EFCAB6: variants seen among roughly 807,000 people sequenced by gnomAD.
The protein encoded by EFCAB6 is EF-hand calcium-binding domain-containing protein 6.
EFCAB6 carries 156 observed loss-of-function variants against 169.8 expected under a neutral mutation model. That is an observed-to-expected ratio of 0.92 (90% CI 0.81 to 1.05). The LOEUF is 1.05. EFCAB6 is among the 50% of genes least tolerant of loss of function. EFCAB6 has a pLI of 0.00. For synonymous variants in EFCAB6, 698 were observed against 676.4 expected (o/e 1.03, Z -0.50); for missense variants, 1,800 against 1,829.1 (o/e 0.98, Z 0.29).
chr22:43,673,779 C>A (rs2057599091), intron 13 of EFCAB6, among the ~76,000 whole-genome samples: 1 of 152,006 alleles, frequency 6.6e-6, no homozygotes, highest in Admixed American at 6.5e-5. Flanking sequence ...GACTCTGTCT[C>A]TAAAATAAAT....
intron 26 of EFCAB6, among the ~76,000 whole-genome samples, chr22:43,568,321 T>A (rs1434619572): frequency 2.0e-5 from 3 of 152,224 alleles, no homozygotes; most frequent in African/African-American, 7.2e-5. Context: ...GTAACATCTG[T>A]ATTTTGGATT....
At chr22:43,786,387 C>T (rs1056573683) in intron 2 of EFCAB6, among the ~76,000 whole-genome samples, 7 of 151,936 alleles carry the variant, frequency 4.6e-5, no homozygotes, top group Non-Finnish European at 7.4e-5. Context: ...CATCCTATGA[C>T]GCCAGTATTA....
intron 17 of EFCAB6, among the ~76,000 whole-genome samples, chr22:43,652,855 G>A (rs767913174): frequency 6.6e-5 from 10 of 151,494 alleles, no homozygotes; most frequent in South Asian, 2.1e-4. Context: ...AGAGAATACC[G>A]GAGTATATTG....
chr22:43,749,914 T>C (rs1001450825), intron 6 of EFCAB6, among the ~76,000 whole-genome samples: 6 of 152,172 alleles, frequency 3.9e-5, no homozygotes, highest in Non-Finnish European at 8.8e-5. Context: ...CCTTGCAATA[T>C]TGTTCACCCA....
intron 31 of EFCAB6, among the ~76,000 whole-genome samples, chr22:43,530,009 C>CT (rs1373496009): frequency 6.6e-6 from 1 of 152,182 alleles, no homozygotes; most frequent in African/African-American, 2.4e-5. Context: ...TCCTATGGGG[C>CT]TGAGGTCAGC....
intron 17 of EFCAB6, among the ~76,000 whole-genome samples, chr22:43,657,393 C>T (rs2056802851): frequency 1.3e-5 from 2 of 151,854 alleles, no homozygotes; most frequent in African/African-American, 4.8e-5. Flanking sequence ...AATCTATTCT[C>T]TGATCACAAT....
Position 43,711,619 on chromosome 22 carries a change from G to A in EFCAB6, c.887C>T (p.Ser296Leu), listed in dbSNP as rs200231368. The change falls in exon 10 of 32, where the codon TCG becomes TTG. Residue 296 changes from serine (S) to leucine (L), a missense_variant. Transcript: ENST00000262726. ...EIERNFCLQL[S>L]KSYEKVEKAL... is the part of the protein sequence containing the mutation. ...CTTTTCAACCTTTTCATAAGACTTC[G>A]AAAGCTGCAATAAATTGAAATTAGA... 2.3e-5 allele frequency: 37 copies of A among 1,578,210 alleles called. No homozygotes were observed. The highest frequency in any genetic ancestry group is 1.7e-4 in the Admixed American group (8 of 47,890).
At chr22:43,620,508 CA>C in intron 20 of EFCAB6, among the ~76,000 whole-genome samples, 1 of 151,942 alleles carries the variant, frequency 6.6e-6, no homozygotes, top group African/African-American at 2.4e-5. Context: ...AAATATCTTT[CA>C]AGAATAAAGA....
intron 17 of EFCAB6, among the ~76,000 whole-genome samples, chr22:43,646,288 T>C (rs1021094231): frequency 2.6e-5 from 4 of 152,200 alleles, no homozygotes; most frequent in Non-Finnish European, 5.9e-5. Flanking sequence ...ATGTTCTCTC[T>C]TGCTGATTTC....
chr22:43,557,494 A>G (rs1223997074), intron 26 of EFCAB6, among the ~76,000 whole-genome samples: 1 of 152,248 alleles, frequency 6.6e-6, no homozygotes, highest in East Asian at 1.9e-4. Flanking sequence ...AGGCCTGAAT[A>G]GACAGGTAAC....
chr22:43,645,055 A>C (rs2056065687), intron 17 of EFCAB6, among the ~76,000 whole-genome samples: 1 of 152,190 alleles, frequency 6.6e-6, no homozygotes, highest in African/African-American at 2.4e-5. Context: ...ATTGAATGGA[A>C]AAGCACTTGC....
chr22:43,629,863 C>G (rs936384844), intron 19 of EFCAB6, among the ~76,000 whole-genome samples: 1 of 152,066 alleles, frequency 6.6e-6, no homozygotes, highest in African/African-American at 2.4e-5. Context: ...GTGGGCACTC[C>G]GGTCAGAGAT....
chr22:43,771,371 A>C (rs966811306), intron 4 of EFCAB6, among the ~76,000 whole-genome samples: 3 of 152,300 alleles, frequency 2.0e-5, no homozygotes, highest in Admixed American at 2.0e-4. Flanking sequence ...CGGAGGTTGC[A>C]GTAAGCCAAG....
intron 2 of EFCAB6, among the ~76,000 whole-genome samples, chr22:43,801,754 C>T (rs1173326242): frequency 3.3e-5 from 5 of 152,086 alleles, no homozygotes; most frequent in Non-Finnish European, 5.9e-5. Context: ...TGGACTAAAA[C>T]ATATTACCAG....
At chr22:43,587,019 G>C (rs2051121665) in intron 24 of EFCAB6, among the ~76,000 whole-genome samples, 1 of 152,178 alleles carries the variant, frequency 6.6e-6, no homozygotes. Context: ...GAGGGAATGT[G>C]GAAGAGAGAA....
At chr22:43,796,240 G>T (rs966324686) in intron 2 of EFCAB6, among the ~76,000 whole-genome samples, 2 of 152,138 alleles carry the variant, frequency 1.3e-5, no homozygotes, top group Non-Finnish European at 2.9e-5. Flanking sequence ...CCCCATGACT[G>T]TTCAATGTCT....
At chr22:43,661,968 T>C (rs1448766749) in intron 17 of EFCAB6, among the ~76,000 whole-genome samples, 1 of 151,814 alleles carries the variant, frequency 6.6e-6, no homozygotes, top group African/African-American at 2.4e-5. Flanking sequence ...AATACAAAAA[T>C]TAGCCAGGCG....
intron 13 of EFCAB6, among the ~76,000 whole-genome samples, chr22:43,674,136 G>T (rs1247581832): frequency 6.6e-6 from 1 of 152,216 alleles, no homozygotes; most frequent in East Asian, 1.9e-4. Context: ...GTATGGGTAT[G>T]CATGTATGTG....
chr22:43,698,251 T>C (rs1427136375), intron 10 of EFCAB6, among the ~76,000 whole-genome samples: 1 of 152,092 alleles, frequency 6.6e-6, no homozygotes, highest in Non-Finnish European at 1.5e-5. Context: ...CCCAGTCCCT[T>C]TCTCTGGGTG....
Sources: gnomAD v4.1 joint callset for allele counts (sites outside exome capture counted in the v4.1 genomes callset) on GRCh38, gnomAD v4.1.1 for gene constraint, MANE v1.5 for transcripts, NCBI Gene and HGNC (gene_info 2026-07-23, HGNC 2026-07-21) for gene names.